The following C16orf95 variants were observed in gnomAD, a reference collection of about 807,000 sequenced individuals.
The protein encoded by C16orf95 is uncharacterized protein C16orf95.
In C16orf95, 41 loss-of-function variants were observed where a neutral mutation model predicts 32.1. The observed-to-expected ratio is 1.28, with a 90% CI of 1.00 to 1.66. The LOEUF (loss-of-function observed/expected upper bound fraction) is 1.66, where lower values mean the gene tolerates loss of function less well. Ranked by LOEUF, C16orf95 falls within the 40% of genes most tolerant of loss-of-function variation. The pLI, the probability that C16orf95 is intolerant of heterozygous loss-of-function variation, is 0.00. For synonymous variants in C16orf95, 147 were observed against 128.9 expected (o/e 1.14, Z -0.95); for missense variants, 399 against 325.9 (o/e 1.22, Z -1.73).
At chr16:87,306,897 T>C (rs1022202425) in intron 5 of C16orf95, among the ~76,000 whole-genome samples, 2 of 152,328 alleles carry the variant, frequency 1.3e-5, no homozygotes, top group Admixed American at 6.5e-5. Context: ...AGATGATGCA[T>C]GTCAACTAAG....
chr16:87,315,902 C>G, intron 1 of C16orf95, 79 bp from the exon 2 acceptor site: 1 of 1,007,260 alleles, frequency 9.9e-7, no homozygotes, highest in Admixed American at 3.0e-5. Context: ...CTGGACCTGT[C>G]TTCTCAGAAC....
intron 1 of C16orf95, among the ~76,000 whole-genome samples, chr16:87,316,734 A>G (rs1904353840): frequency 6.6e-6 from 1 of 152,170 alleles, no homozygotes; most frequent in Non-Finnish European, 1.5e-5. Flanking sequence ...GGGAAAAAAA[A>G]GAATCTCCTT....
At chr16:87,311,778 G>C (rs1339964046) in intron 3 of C16orf95, among the ~76,000 whole-genome samples, 3 of 152,240 alleles carry the variant, frequency 2.0e-5, no homozygotes. Context: ...GTCCCATGAG[G>C]ATACTTTCAC....
intron 5 of C16orf95, among the ~76,000 whole-genome samples, chr16:87,308,586 A>G (rs1241955439): frequency 2.0e-5 from 3 of 152,172 alleles, no homozygotes; most frequent in Non-Finnish European, 2.9e-5. Context: ...GCATCCCAAA[A>G]AACTGTTGCC....
chr16:87,307,683 A>T (rs1440660197), intron 5 of C16orf95, among the ~76,000 whole-genome samples: 1 of 152,188 alleles, frequency 6.6e-6, no homozygotes, highest in Non-Finnish European at 1.5e-5. Flanking sequence ...GCTTGAACCC[A>T]GGAGGCAGAG....
intron 5 of C16orf95, among the ~76,000 whole-genome samples, chr16:87,308,135 C>T (rs1911109253): frequency 6.6e-6 from 1 of 152,252 alleles, no homozygotes; most frequent in Non-Finnish European, 1.5e-5. Context: ...GTGGAGCTTT[C>T]CAGAGTGTTT....
At chr16:87,304,592 A>T (rs1318473949) in intron 6 of C16orf95, among the ~76,000 whole-genome samples, 1 of 152,240 alleles carries the variant, frequency 6.6e-6, no homozygotes, top group Non-Finnish European at 1.5e-5. Flanking sequence ...AACAGAGCTC[A>T]CCGCGCCCGC....
At chr16:87,307,878 G>T (rs1911096573) in intron 5 of C16orf95, among the ~76,000 whole-genome samples, 1 of 152,236 alleles carries the variant, frequency 6.6e-6, no homozygotes, top group African/African-American at 2.4e-5. Context: ...CATCTTGAAA[G>T]AGCTGAGGGT....
chr16:87,316,451 G>A (rs563272132), intron 1 of C16orf95, among the ~76,000 whole-genome samples: 8 of 152,306 alleles, frequency 5.3e-5, no homozygotes, highest in African/African-American at 1.9e-4. Flanking sequence ...TTTGTATGTG[G>A]AAACCGTAAG....
rs1383004316 is a variant in C16orf95 at position 87,317,153 on chromosome 16, C to T, written c.90G>A (p.Gly30=). 27 of 1,532,834 alleles carry T rather than the reference C, an allele frequency of 1.8e-5. No homozygotes were observed. The highest frequency in any genetic ancestry group is 2.4e-5 in the South Asian group (2 of 83,560). 95.0% of individuals were successfully genotyped at this position (1,532,834 alleles called of 1,614,324 possible). The change falls in exon 1 of 7, where the codon GGG becomes GGA. Residue 30 remains glycine (G), a synonymous_variant. Transcript: ENST00000567970. ...TGAASGAAAG[G]PGAGCVGLCR... ...AGAGCCCGACGCACCCCGCGCCCGG[C>T]CCCCCGGCAGCAGCGCCTGAGGCTG...
chr16:87,305,962 C>A lies in C16orf95; in HGVS notation c.515-57G>T. ...GCGTGTTCTCCGGGACTCTGTGAGC[C>A]ACGAGGAGGCTGCAACACCAGCCCC... On this transcript the variant is annotated intron_variant, in intron 5 of 6. Coordinates refer to ENST00000567970, the MANE Select transcript of C16orf95 (RefSeq NM_001195124.3). This position sits in a 1 kb window ranked among gnomAD's most constrained non-coding sequence, Gnocchi z 4.2. 2 of 1,305,426 alleles carry A rather than the reference C, an allele frequency of 1.5e-6. No homozygotes were observed. Among genetic ancestry groups the A allele is most frequent in the Non-Finnish European group, 2.0e-6 (2 of 1,012,312 alleles). The allele number at this position is 1,305,426 out of a possible 1,614,324, so 80.9% of individuals were successfully genotyped here.
intron 6 of C16orf95, 111 bp from the exon 7 acceptor site, chr16:87,303,186 A>G (rs1910843657): frequency 2.9e-6 from 3 of 1,048,336 alleles, no homozygotes; most frequent in Non-Finnish European, 4.3e-6. Flanking sequence ...GGCGCTCCAC[A>G]GTGCACAGGG....
chr16:87,311,081 C>A lies in C16orf95; in HGVS notation c.477+69G>T, dbSNP rs74038423. 224,735 of 1,349,866 alleles carry A rather than the reference C, an allele frequency of 0.17. 19,946 individuals are homozygous for A. Among genetic ancestry groups the A allele is most frequent in the South Asian group, 0.29 (17,370 of 60,256 alleles). The allele number at this position is 1,349,866 out of a possible 1,614,324, so 83.6% of individuals were successfully genotyped here. A position where few individuals can be genotyped will look rare whatever the true frequency, so the allele number is the denominator to read the frequency against. On this transcript the variant is annotated intron_variant, in intron 4 of 6. Transcript: ENST00000567970. ...AGGTACCCCTCTTCCCCTTCTTCCTCCCATCTCCCCTTCCCCCGGCCCCCA... is the reference window on the plus strand; with the variant it reads ...AGGTACCCCTCTTCCCCTTCTTCCTACCATCTCCCCTTCCCCCGGCCCCCA...
intron 1 of C16orf95, among the ~76,000 whole-genome samples, chr16:87,316,127 C>T (rs1395151316): frequency 6.6e-6 from 1 of 152,218 alleles, no homozygotes. Context: ...TCAGAAAAGA[C>T]AGGAGCATTC....
chr16:87,303,671 A>T (rs1910869452), intron 6 of C16orf95: 1 of 154,166 alleles, frequency 6.5e-6, no homozygotes, highest in Non-Finnish European at 1.4e-5. Flanking sequence ...CCACAGAGTG[A>T]GTGACTTCCT....
At chr16:87,304,757 G>C (rs1910935586) in intron 6 of C16orf95, among the ~76,000 whole-genome samples, 1 of 152,170 alleles carries the variant, frequency 6.6e-6, no homozygotes, top group Non-Finnish European at 1.5e-5. Flanking sequence ...AAAAAACAGG[G>C]GAGAGCCTCC....
chr16:87,315,741 G>A, intron 2 of C16orf95, 31 bp downstream of exon 2: 2 of 1,510,092 alleles, frequency 1.3e-6, no homozygotes, highest in Non-Finnish European at 1.8e-6. Flanking sequence ...GTTGGGGTCA[G>A]GGCCAGTGGC....
intron 4 of C16orf95, 39 bp downstream of exon 4, chr16:87,311,111 A>C (rs1911264042): frequency 4.2e-6 from 6 of 1,428,480 alleles, no homozygotes; most frequent in Admixed American, 2.4e-5. Flanking sequence ...CCCCCACCTC[A>C]CTCTTCAGTT....
intron 5 of C16orf95, among the ~76,000 whole-genome samples, chr16:87,306,783 G>A (rs1477272570): frequency 2.0e-5 from 3 of 152,134 alleles, no homozygotes; most frequent in Non-Finnish European, 4.4e-5. Flanking sequence ...CTTCTGGCGT[G>A]AATGGGTTTG....
Sources: allele counts gnomAD v4.1 joint callset (sites outside exome capture counted in the v4.1 genomes callset), GRCh38; gene constraint gnomAD v4.1.1; non-coding constraint Gnocchi (gnomAD v3.1); transcripts MANE v1.5; gene names NCBI Gene and HGNC (gene_info 2026-07-23, HGNC 2026-07-21).